Variants in WDR90 observed in about 807,000 individuals in gnomAD.
The protein encoded by WDR90 is WD repeat-containing protein 90.
In WDR90, 238 loss-of-function variants were observed where a neutral mutation model predicts 195.2. The observed-to-expected ratio is 1.22, with a 90% CI of 1.10 to 1.36. The LOEUF (loss-of-function observed/expected upper bound fraction) is 1.36. WDR90 is among the 40% of genes most tolerant of loss of function. The probability of loss-of-function intolerance (pLI) is 0.00; values close to 1 mark genes in which losing one functional copy is unlikely to be tolerated. For synonymous variants in WDR90, 1,265 were observed against 1,052.4 expected, an observed-to-expected ratio of 1.20 and a Z score of -3.91; for missense variants, 2,734 against 2,439.5, an observed-to-expected ratio of 1.12 and a Z score of -2.54.
chr16:661,575 G>A (rs763240475), intron 30 of WDR90, 22 bp from the exon 31 acceptor site: 4 of 1,580,226 alleles, frequency 2.5e-6, no homozygotes, highest in Non-Finnish European at 3.4e-6. Flanking sequence ...CACCTGACGT[G>A]GCTGCTCTGT....
intron 17 of WDR90, 189 bp from the exon 18 acceptor site, chr16:656,113 A>G: frequency 1.3e-6 from 1 of 753,106 alleles, no homozygotes; most frequent in South Asian, 1.8e-5. Flanking sequence ...TAGTGTGTGA[A>G]GCCCCTCAGC....
intron 34 of WDR90, chr16:665,387 GA>G (rs1289415813): frequency 1.7e-6 from 1 of 581,546 alleles, no homozygotes; most frequent in African/African-American, 1.9e-5. Context: ...GCCTGCTAGG[GA>G]TGCACGGCCA....
chr16:662,204 C>G lies in WDR90; in HGVS notation c.4034-16C>G. Reference sequence around the variant, plus strand: ...GGAAGGCAGCCGTGGCCCCTTATGGCTCCTCCTGCCCCTAGGGCTGTTGCT... The same window carrying G: ...GGAAGGCAGCCGTGGCCCCTTATGGGTCCTCCTGCCCCTAGGGCTGTTGCT... On this transcript the variant is annotated splice_polypyrimidine_tract_variant and intron_variant, in intron 32 of 40. Coordinates refer to ENST00000293879, the MANE Select transcript of WDR90 (RefSeq NM_145294.5). The G allele has an allele frequency of 6.5e-7, 1 of 1,532,342 alleles. No individual in the cohort carries two copies. The highest frequency in any genetic ancestry group is 8.8e-7 in the Non-Finnish European group (1 of 1,137,892). The allele number at this position is 1,532,342 out of a possible 1,614,324, so 94.9% of individuals were successfully genotyped here. A position where few individuals can be genotyped will look rare whatever the true frequency, so the allele number is the denominator to read the frequency against.
chr16:666,655 C>T lies in WDR90; in HGVS notation c.4885-18C>T. 6.2e-7 allele frequency: 1 copy of T among 1,612,056 alleles called. No individual in the cohort carries two copies. The highest frequency in any genetic ancestry group is 2.2e-5 in the East Asian group (1 of 44,868). ...CCGGTACCCATCCACCCCACCGCAGCATGCTGCGCCTTTGCAGACTCAGGG... is the reference window on the plus strand; with the variant it reads ...CCGGTACCCATCCACCCCACCGCAGTATGCTGCGCCTTTGCAGACTCAGGG... On this transcript the variant is annotated intron_variant, in intron 38 of 40. Coordinates refer to ENST00000293879, the MANE Select transcript of WDR90 (RefSeq NM_145294.5).
chr16:665,672 C>T lies in WDR90; in HGVS notation c.4312-7C>T, dbSNP rs762403552. 2.5e-6 allele frequency: 4 copies of T among 1,612,618 alleles called. No homozygotes were observed. Among genetic ancestry groups the T allele is most frequent in the Non-Finnish European group, 3.4e-6 (4 of 1,179,904 alleles). On this transcript the variant is annotated splice_polypyrimidine_tract_variant and splice_region_variant and intron_variant, in intron 34 of 40. Transcript: ENST00000293879. Reference sequence around the variant, plus strand: ...AACACCCCCAGCCTAGCTACGGCTTCCCCCAGGTGAACGAGGTGGTCTTCA... The same window carrying T: ...AACACCCCCAGCCTAGCTACGGCTTTCCCCAGGTGAACGAGGTGGTCTTCA...
intron 23 of WDR90, 39 bp from the exon 24 acceptor site, chr16:658,857 C>A: frequency 6.2e-7 from 1 of 1,605,344 alleles, no homozygotes; most frequent in South Asian, 1.1e-5. Context: ...GCATCCATGC[C>A]CCGCCTCGGG....
chr16:658,813 G>A lies in WDR90; in HGVS notation c.2896-83G>A, dbSNP rs1411547645. On this transcript the variant is annotated intron_variant, in intron 23 of 40. Coordinates refer to ENST00000293879, the MANE Select transcript of WDR90 (RefSeq NM_145294.5). ...TGCCTCCGGGGCCTCACACTGTGTG[G>A]GGCTCACCGTCCCTGGGGACTGGGC... 3.2e-6 allele frequency: 5 copies of A among 1,571,644 alleles called. 1 individual carries two copies. Among genetic ancestry groups the A allele is most frequent in the Non-Finnish European group, 4.3e-6 (5 of 1,155,636 alleles).
Position 659,252 on chromosome 16 carries a change from C to T in WDR90, c.3060C>T (p.Gly1020=), listed in dbSNP as rs761505380. The T allele has an allele frequency of 1.2e-4, 190 of 1,611,570 alleles. No homozygotes were observed. The highest frequency in any genetic ancestry group is 1.7e-4 in the Middle Eastern group (1 of 6,058). The change falls in exon 26 of 41, where the codon GGC becomes GGT. Residue 1020 remains glycine, a synonymous_variant. Transcript: ENST00000293879. ...GAPPACKTGP[G]AGPLEDAASR... The stretch of plus-strand genomic sequence containing the variant: ...GGGCTGCTTCTTCCCCAGGCCCGGG[C>T]GCAGGACCGCTGGAGGACGCAGCGT...
chr16:658,410 C>A, intron 22 of WDR90, 66 bp downstream of exon 22: 1 of 1,583,314 alleles, frequency 6.3e-7, no homozygotes, highest in Non-Finnish European at 8.6e-7. Context: ...GGCCTCTGTG[C>A]CTGCAGCCTC....
chr16:666,377 AGG>A, intron 37 of WDR90, 27 bp downstream of exon 37: 9 of 1,611,540 alleles, frequency 5.6e-6, no homozygotes, highest in Non-Finnish European at 7.6e-6. Flanking sequence ...AGCTGGGGAG[AGG>A]GGGCCTGGGT....
chr16:649,556 G>T, intron 1 of WDR90, 130 bp downstream of exon 1: 1 of 1,220,382 alleles, frequency 8.2e-7, no homozygotes, highest in Non-Finnish European at 1.0e-6. Flanking sequence ...GCAGGGTCCC[G>T]TCTGCCGGGC....
Position 656,715 on chromosome 16 carries a change from C to T in WDR90, c.2203-17C>T, listed in dbSNP as rs200887181. On this transcript the variant is annotated splice_polypyrimidine_tract_variant and intron_variant, in intron 18 of 40. Coordinates refer to ENST00000293879, the MANE Select transcript of WDR90 (RefSeq NM_145294.5). ...TGAGATCCCTGCCCTCCCCTCAGCACGGCCCCTGTCCCACAGCTATACGAC... is the reference window on the plus strand; with the variant it reads ...TGAGATCCCTGCCCTCCCCTCAGCATGGCCCCTGTCCCACAGCTATACGAC... The T allele has an allele frequency of 4.7e-5, 76 of 1,605,962 alleles. No homozygotes were observed. Among genetic ancestry groups the T allele is most frequent in the Admixed American group, 1.0e-4 (6 of 59,578 alleles).
intron 1 of WDR90, 34 bp from the exon 2 acceptor site, chr16:649,729 G>C: frequency 6.5e-7 from 1 of 1,539,522 alleles, no homozygotes; most frequent in South Asian, 1.2e-5. Flanking sequence ...TCGCGTGGCC[G>C]AGTCCCCTGA....
At position 662,667 on chromosome 16, in the gene WDR90, C is replaced by T. The variant is rs763430988; in HGVS notation, c.4146-12C>T. On this transcript the variant is annotated splice_polypyrimidine_tract_variant and intron_variant, in intron 33 of 40. Coordinates refer to ENST00000293879, the MANE Select transcript of WDR90 (RefSeq NM_145294.5). ...CCCATTGTTCTCTCCTTCCCTGCAC[C>T]CTGAGGTCCAGTTCTGTGTTCATGG... The T allele has an allele frequency of 6.5e-7, 1 of 1,531,972 alleles. No individual in the cohort carries two copies. The highest frequency in any genetic ancestry group is 1.3e-5 in the South Asian group (1 of 78,226). The allele number at this position is 1,531,972 out of a possible 1,614,324, so 94.9% of individuals were successfully genotyped here.
At chr16:659,483 C>A in intron 26 of WDR90, 107 bp downstream of exon 26, 1 of 1,397,942 alleles carries the variant, frequency 7.2e-7, no homozygotes, top group Non-Finnish European at 9.8e-7. Flanking sequence ...GTGCAGGTGC[C>A]ATCGCTGCTC....
chr16:655,814 A>G lies in WDR90; in HGVS notation c.1891A>G (p.Met631Val). ...CAGCAGCCTCAGCGTCTCCCCGGCC[A>G]TGTGTGCTGTGGGCTCTGAGGACGG... Reference protein sequence around the residue: ...AISSLSVSPAMCAVGSEDGFL... With the variant: ...AISSLSVSPAVCAVGSEDGFL... The change falls in exon 17 of 41, where the codon ATG (methionine) becomes GTG (valine). Residue 631 changes from methionine (M) to valine (V), a missense_variant. By Grantham distance (21) the Met-to-Val change is conservative. Transcript: ENST00000293879. 6.3e-7 allele frequency: 1 copy of G among 1,595,020 alleles called. No individual in the cohort carries two copies.
rs2037764356 is a variant in WDR90 at position 656,767 on chromosome 16, C to T, written c.2238C>T (p.Cys746=). 1.5e-5 allele frequency: 24 copies of T among 1,613,156 alleles called. No homozygotes were observed. The highest frequency in any genetic ancestry group is 1.6e-4 in the Middle Eastern group (1 of 6,084). The change falls in exon 19 of 41, where the codon TGC becomes TGT. Residue 746 remains cysteine, a synonymous_variant. Transcript: ENST00000293879. ...YDFTSSEDAP[C]AVTFHPTRPT... is the part of the protein sequence containing the mutation. The stretch of plus-strand genomic sequence containing the variant: ...TCACATCATCAGAGGACGCCCCGTG[C>T]GCTGTCACCTTCCACCCCACAAGGC...
rs1453510692 is a variant in WDR90, at chr16:652,108, G to T, written c.1053+69G>T. 3 of 1,486,318 alleles carry T rather than the reference G, an allele frequency of 2.0e-6. No homozygotes were observed. In the Admixed American group the frequency reaches 5.9e-5, roughly 29 times the overall value. The allele number at this position is 1,486,318 out of a possible 1,614,324, so 92.1% of individuals were successfully genotyped here. A position where few individuals can be genotyped will look rare whatever the true frequency, so the allele number is the denominator to read the frequency against. On this transcript the variant is annotated intron_variant, in intron 9 of 40. Transcript: ENST00000293879. Reference sequence around the variant, plus strand: ...GCTGGGGCAGCTGGTAGCCCGCCCCGAGATGCATTCAGAACGGATGTGCCT... The same window carrying T: ...GCTGGGGCAGCTGGTAGCCCGCCCCTAGATGCATTCAGAACGGATGTGCCT...
At position 666,509 on chromosome 16, in the gene WDR90, C is replaced by T. The variant is rs2038055078; in HGVS notation, c.4795C>T (p.Gln1599Ter). ...TDLWLAASGD[Q>*]RVSVWASDWL... ...CCTATGGCTGGCTGCCAGTGGGGACCAGCGGGTCAGCGTCTGGGCCTCCGA... is the reference window on the plus strand; with the variant it reads ...CCTATGGCTGGCTGCCAGTGGGGACTAGCGGGTCAGCGTCTGGGCCTCCGA... The change falls in exon 38 of 41, where the codon CAG (glutamine) becomes TAG (stop). Residue 1599 changes from glutamine to a stop codon, truncating the protein, a stop_gained. Transcript: ENST00000293879. LOFTEE classifies it high-confidence loss of function. 5 of 1,612,754 alleles carry T rather than the reference C, an allele frequency of 3.1e-6. No individual in the cohort carries two copies. The highest frequency in any genetic ancestry group is 2.2e-5 in the East Asian group (1 of 44,884).
Sources: allele counts gnomAD v4.1 joint callset, GRCh38; gene constraint gnomAD v4.1.1; transcripts MANE v1.5; gene names NCBI Gene and HGNC (gene_info 2026-07-23, HGNC 2026-07-21).